SPIDR: variants seen among roughly 807,000 people sequenced by gnomAD.
The protein encoded by SPIDR is DNA repair-scaffolding protein.
SPIDR carries 93 observed loss-of-function variants against 104.6 expected under a neutral mutation model. The ratio of observed to expected loss-of-function variants is 0.89; its 90% CI spans 0.75 to 1.06. The LOEUF is 1.06. Among genes scored for constraint, SPIDR ranks in the 50% least tolerant of loss-of-function variants. The pLI, the probability that SPIDR is intolerant of heterozygous loss-of-function variation, is 0.00. For synonymous variants in SPIDR, 431 were observed against 416.9 expected (o/e 1.03, Z -0.41); for missense variants, 1,154 against 1,111.2 (o/e 1.04, Z -0.55).
At chr8:47,629,190 G>C (rs2066666432) in intron 10 of SPIDR, among the ~76,000 whole-genome samples, 1 of 152,166 alleles carries the variant, frequency 6.6e-6, no homozygotes, top group Admixed American at 6.5e-5. Context: ...AATCATATGT[G>C]TTAGGATGGT....
chr8:47,494,004 C>G (rs1384375037), intron 8 of SPIDR, among the ~76,000 whole-genome samples: 1 of 152,044 alleles, frequency 6.6e-6, no homozygotes, highest in African/African-American at 2.4e-5. Flanking sequence ...TCCCTCCTTC[C>G]TTCTTTTCTC....
intron 5 of SPIDR, among the ~76,000 whole-genome samples, chr8:47,314,231 T>C (rs1243934846): frequency 1.3e-5 from 2 of 152,036 alleles, no homozygotes; most frequent in Non-Finnish European, 2.9e-5. Flanking sequence ...TTATAATTCC[T>C]AGAACAAACA....
At position 47,598,927 on chromosome 8, in the gene SPIDR, C is replaced by T; in HGVS notation, c.1294-19C>T. On this transcript the variant is annotated intron_variant, in intron 9 of 19. Transcript: ENST00000297423. ...ACTTTGTGAGTCTTGAAACTGTTCC[C>T]TTTATGTGTCTTGGCCAGGTTGTGT... The T allele has an allele frequency of 1.2e-6, 2 of 1,613,174 alleles. No homozygotes were observed. The highest frequency in any genetic ancestry group is 1.7e-6 in the Non-Finnish European group (2 of 1,179,398).
At chr8:47,532,190 C>A (rs1028647929) in intron 8 of SPIDR, among the ~76,000 whole-genome samples, 7 of 151,892 alleles carry the variant, frequency 4.6e-5, no homozygotes, top group Non-Finnish European at 1.0e-4. Context: ...CTGCCTCAGC[C>A]TCCCACCTTG....
intron 8 of SPIDR, among the ~76,000 whole-genome samples, chr8:47,575,946 C>A (rs1343713512): frequency 6.9e-6 from 1 of 145,170 alleles, no homozygotes; most frequent in African/African-American, 2.5e-5. Context: ...GGCGACAGAG[C>A]GAGATTCCTT....
chr8:47,611,760 C>A (rs1472927319), intron 10 of SPIDR, among the ~76,000 whole-genome samples: 1 of 151,980 alleles, frequency 6.6e-6, no homozygotes, highest in East Asian at 1.9e-4. Flanking sequence ...GCATTTATTA[C>A]AATTAATATA....
chr8:47,260,903 CGAGGTGGGACGGCGGCGCGCT>C (rs1647140515), upstream of SPIDR: 3 of 1,203,356 alleles, frequency 2.5e-6, no homozygotes, highest in Non-Finnish European at 2.1e-6. Context: ...TGCGGCGCGC[CGAGGTGGGACGGCGGCGCGCT>C]GAGGAGGCGG....
chr8:47,260,972 G>T lies in SPIDR; in HGVS notation c.14G>T (p.Ser5Ile), dbSNP rs1295942268. 3.3e-6 allele frequency: 4 copies of T among 1,230,418 alleles called. No homozygotes were observed. Among genetic ancestry groups the T allele is most frequent in the South Asian group, 3.9e-5 (1 of 25,554 alleles). The allele number at this position is 1,230,418 out of a possible 1,614,324, so 76.2% of individuals were successfully genotyped here. MPRG[S>I]RARGSKRKRS... ...GCGCTCCCGGAGATGCCCCGCGGCA[G>T]CCGCGCTCGGGGCTCTAAGGTAGGC... Residue 5 changes from serine to isoleucine, a missense_variant, in exon 1 of 20, where the codon AGC becomes ATC. By Grantham distance (142) the Ser-to-Ile change is moderately radical. Transcript: ENST00000297423.
At chr8:47,358,443 T>C (rs1193122644) in intron 5 of SPIDR, among the ~76,000 whole-genome samples, 1 of 152,202 alleles carries the variant, frequency 6.6e-6, no homozygotes, top group Non-Finnish European at 1.5e-5. Context: ...CTTATTTTTT[T>C]CTCAAATACC....
intron 10 of SPIDR, among the ~76,000 whole-genome samples, chr8:47,611,516 G>A (rs1290598413): frequency 5.3e-5 from 8 of 152,076 alleles, no homozygotes; most frequent in Admixed American, 3.9e-4. Flanking sequence ...GGCTAACACA[G>A]TGAAACCCCG....
chr8:47,439,274 A>G (rs1200824006), intron 7 of SPIDR, among the ~76,000 whole-genome samples: 1 of 151,990 alleles, frequency 6.6e-6, no homozygotes, highest in Non-Finnish European at 1.5e-5. Context: ...GGCTTTCATG[A>G]CTTTTCTGTG....
chr8:47,278,134 G>A (rs2036954187), intron 1 of SPIDR, among the ~76,000 whole-genome samples: 1 of 149,480 alleles, frequency 6.7e-6, no homozygotes. Context: ...ATTCTGGTGG[G>A]TGTGAAGTGG....
chr8:47,487,411 C>T (rs1176781328), intron 8 of SPIDR, among the ~76,000 whole-genome samples: 1 of 152,124 alleles, frequency 6.6e-6, no homozygotes, highest in African/African-American at 2.4e-5. Flanking sequence ...TAATGGGAGA[C>T]TTTAACACCC....
chr8:47,467,429 A>G (rs1436925643), intron 8 of SPIDR, among the ~76,000 whole-genome samples: 2 of 152,206 alleles, frequency 1.3e-5, no homozygotes, highest in African/African-American at 4.8e-5. Context: ...CTTTAGGCCA[A>G]TATTTTTGAT....
chr8:47,387,275 T>C (rs930361298), intron 5 of SPIDR, among the ~76,000 whole-genome samples: 1 of 152,132 alleles, frequency 6.6e-6, no homozygotes, highest in African/African-American at 2.4e-5. Context: ...ACCTGAGGGC[T>C]TAGAGACCAC....
At chr8:47,632,182 G>A (rs1345699153) in intron 10 of SPIDR, among the ~76,000 whole-genome samples, 2 of 152,058 alleles carry the variant, frequency 1.3e-5, no homozygotes, top group South Asian at 2.1e-4. Context: ...ATTTAATCAC[G>A]ACATGTGCTG....
intron 8 of SPIDR, chr8:47,547,012 C>T (rs572961316): frequency 2.0e-6 from 1 of 501,826 alleles, no homozygotes; most frequent in South Asian, 1.7e-5. Flanking sequence ...TGGGTAATGA[C>T]ACCAGTTCTT....
At chr8:47,277,523 C>T (rs1373017616) in intron 1 of SPIDR, among the ~76,000 whole-genome samples, 2 of 150,528 alleles carry the variant, frequency 1.3e-5, no homozygotes, top group African/African-American at 4.9e-5. Context: ...ACATTCCCAC[C>T]CCTGCTAATT....
intron 8 of SPIDR, among the ~76,000 whole-genome samples, chr8:47,533,457 A>C (rs1431100672): frequency 6.6e-6 from 1 of 152,224 alleles, no homozygotes; most frequent in African/African-American, 2.4e-5. Flanking sequence ...GCTTCTGCAC[A>C]GCAAAAGAAA....
Sources: allele counts gnomAD v4.1 joint callset (sites outside exome capture counted in the v4.1 genomes callset), GRCh38; gene constraint gnomAD v4.1.1; transcripts MANE v1.5; gene names NCBI Gene and HGNC (gene_info 2026-07-23, HGNC 2026-07-21).